Variants in GYG2 observed in about 807,000 individuals in gnomAD.
The protein encoded by GYG2 is glycogenin-2.
Under a neutral mutation model 29.4 loss-of-function variants are expected in GYG2, and 29 were observed. That is an observed-to-expected ratio of 0.99 (90% CI 0.74 to 1.35). GYG2 has a LOEUF of 1.35. Among genes scored for constraint, GYG2 ranks in the 40% most tolerant of loss-of-function variants. GYG2 has a pLI of 0.00. For synonymous variants in GYG2, 167 were observed against 172.3 expected (o/e 0.97, Z 0.24); for missense variants, 370 against 385.7 (o/e 0.96, Z 0.34).
chrX:2,863,102 T>C lies in GYG2; in HGVS notation c.1038+1380T>C, dbSNP rs2088210824. Among the ~76,000 whole-genome samples, 7 of 100,745 alleles carry C rather than the reference T, an allele frequency of 6.9e-5. No individual in the cohort carries two copies. In the Admixed American group the frequency reaches 7.5e-4, roughly 11 times the overall value. The allele number at this position is 100,745 out of a possible 115,157, so 87.5% of individuals were successfully genotyped here. ...AATCTTTTTTTTTTTTGAGGCGGAG[T>C]CTCTCTCTGTCACCCAGGCTGGAAT... is the stretch of plus-strand genomic sequence containing the variant. On this transcript the variant is annotated intron_variant, in intron 8 of 10. Coordinates refer to ENST00000398806, the MANE Select transcript of GYG2 (RefSeq NM_001079855.2).
At chrX:2,841,374 A>C (rs868742836) in intron 2 of GYG2, among the ~76,000 whole-genome samples, 1 of 104,471 alleles carries the variant, frequency 9.6e-6, no homozygotes. Flanking sequence ...TGATAGATAG[A>C]TGATGGATGG....
chrX:2,854,623 A>T (rs111834822), intron 4 of GYG2, among the ~76,000 whole-genome samples: 1,200 of 112,234 alleles, frequency 0.011, 23 homozygotes, highest in African/African-American at 0.036. Context: ...TTACACGCAC[A>T]AAATAGAATC....
intron 8 of GYG2, among the ~76,000 whole-genome samples, chrX:2,862,893 C>CA: frequency 9.4e-6 from 1 of 106,711 alleles, no homozygotes; most frequent in Non-Finnish European, 1.9e-5. Flanking sequence ...CTCATCTCTA[C>CA]AAAAAAAAGT....
chrX:2,850,099 A>G (rs1482326304), intron 3 of GYG2, among the ~76,000 whole-genome samples: 1 of 108,860 alleles, frequency 9.2e-6, no homozygotes, highest in Non-Finnish European at 1.9e-5. Context: ...CCTGGGTGAC[A>G]GAGCAAGACC....
Position 2,877,293 on chromosome X carries a change from C to T in GYG2, c.1237C>T (p.Gln413Ter), listed in dbSNP as rs376200058. Residue 413 changes from glutamine to a stop codon, truncating the protein, a stop_gained, in exon 10 of 11, where the codon CAG (glutamine) becomes TAG (stop). Transcript: ENST00000398806. LOFTEE classifies it high-confidence loss of function. ...PAEALRDPSL[Q>*]DALEVDLAVS... ...TGAGGCTCTCAGGGACCCCAGTCTGCAGGATGCACTGGAGGTGGTATCCAA... is the reference window on the plus strand; with the variant it reads ...TGAGGCTCTCAGGGACCCCAGTCTGTAGGATGCACTGGAGGTGGTATCCAA... 16 of 1,209,982 alleles carry T rather than the reference C, an allele frequency of 1.3e-5. No homozygotes were observed. Among genetic ancestry groups the T allele is most frequent in the Non-Finnish European group, 1.7e-5 (15 of 894,109 alleles).
chrX:2,864,590 A>G (rs1442022367), intron 8 of GYG2, among the ~76,000 whole-genome samples: 2 of 110,196 alleles, frequency 1.8e-5, no homozygotes, highest in Non-Finnish European at 3.8e-5. Context: ...TCCTCAGAAA[A>G]CGGTTTTCAA....
At chrX:2,838,805 C>A (rs576522082) in intron 2 of GYG2, among the ~76,000 whole-genome samples, 1 of 111,139 alleles carries the variant, frequency 9.0e-6, no homozygotes, top group African/African-American at 3.3e-5. Context: ...ATTTCTTATC[C>A]TTGGAGTGAT....
chrX:2,861,885 A>G (rs7065612), intron 8 of GYG2, among the ~76,000 whole-genome samples, 163 bp downstream of exon 8: 1 of 111,381 alleles, frequency 9.0e-6, no homozygotes, highest in South Asian at 3.8e-4. Context: ...TTTTTGCATT[A>G]CGGCACACCG....
intron 6 of GYG2, among the ~76,000 whole-genome samples, chrX:2,857,476 ATC>A (rs2088044493): frequency 1.8e-5 from 2 of 110,282 alleles, no homozygotes; most frequent in South Asian, 7.9e-4. Context: ...ATATCTGTAT[ATC>A]TATCTAGATC....
chrX:2,829,627 T>G, intron 1 of GYG2, among the ~76,000 whole-genome samples: 1 of 90,274 alleles, frequency 1.1e-5, no homozygotes, highest in Non-Finnish European at 2.2e-5. Context: ...TCGGAGGAGG[T>G]GCAGATACTG....
chrX:2,880,532 AT>A (rs1409663691), intron 10 of GYG2, among the ~76,000 whole-genome samples: 4 of 110,079 alleles, frequency 3.6e-5, no homozygotes, highest in Non-Finnish European at 7.5e-5. Context: ...ATACAATTAC[AT>A]TTTATAAAAT....
rs1471212901 is a variant in GYG2, at chrX:2,852,776, ATAATAT to A, written c.150-1196_150-1191del. The A allele has an allele frequency of 2.1e-4, 23 of 111,738 alleles. 1 individual carries two copies. The highest frequency in any genetic ancestry group is 6.8e-4 in the African/African-American group (21 of 30,839). The allele number at this position is 111,738 out of a possible 1,213,427, so 9.2% of individuals were successfully genotyped here. ...TCAAGTATGCATGCATTTCTTTTTCATAATATTAATATTTATTACTATATATGAATA... is the reference window on the plus strand; with the variant it reads ...TCAAGTATGCATGCATTTCTTTTTCATAATATTTATTACTATATATGAATA... On this transcript the variant is annotated intron_variant, in intron 3 of 10. Coordinates refer to ENST00000398806, the MANE Select transcript of GYG2 (RefSeq NM_001079855.2).
At chrX:2,870,790 C>T (rs2088449812) in intron 8 of GYG2, among the ~76,000 whole-genome samples, 1 of 111,925 alleles carries the variant, frequency 8.9e-6, no homozygotes, top group South Asian at 3.8e-4. Context: ...GTATTTCTCA[C>T]ATTTAATTAT....
chrX:2,830,107 G>T lies in GYG2; in HGVS notation c.-82G>T. ...CCCGGAGACGGCGCCTCTGCTCTGC[G>T]GGTTCGTGGCGAGGAAGTCCACCCA... is the stretch of plus-strand genomic sequence containing the variant. On this transcript the variant is annotated 5_prime_UTR_variant, in exon 2 of 11. Transcript: ENST00000398806. 9.9e-7 allele frequency: 1 copy of T among 1,005,568 alleles called. No homozygotes were observed. The highest frequency in any genetic ancestry group is 1.4e-6 in the Non-Finnish European group (1 of 711,433). 82.9% of individuals were successfully genotyped at this position (1,005,568 alleles called of 1,213,427 possible). A position where few individuals can be genotyped will look rare whatever the true frequency, so the allele number is the denominator to read the frequency against.
At position 2,840,746 on chromosome X, in the gene GYG2, G is replaced by C. The variant is rs770756574; in HGVS notation, c.8-2467G>C. Among the ~76,000 whole-genome samples the C allele has an allele frequency of 2.6e-4, 29 of 109,848 alleles. No homozygotes were observed. In the South Asian group the frequency reaches 7.3e-3, roughly 28 times the overall value. ...AGGTAGAGAGATGATGGAGATAGAT[G>C]GATGATAGATGATAGATATATAGAT... On this transcript the variant is annotated intron_variant, in intron 2 of 10. Coordinates refer to ENST00000398806, the MANE Select transcript of GYG2 (RefSeq NM_001079855.2).
At chrX:2,843,408 A>T in intron 3 of GYG2, 54 bp downstream of exon 3, 1 of 985,682 alleles carries the variant, frequency 1.0e-6, no homozygotes, top group Non-Finnish European at 1.4e-6. Flanking sequence ...AAGGAGGGTC[A>T]CCTCTCCCCT....
In GYG2 at chrX:2,834,032, G is replaced by A. The variant is rs538251804; in HGVS notation, c.7+3837G>A. Among the ~76,000 whole-genome samples the A allele has an allele frequency of 4.5e-5, 5 of 112,224 alleles. No homozygotes were observed. In the South Asian group the frequency reaches 1.5e-3, roughly 33 times the overall value. On this transcript the variant is annotated intron_variant, in intron 2 of 10. Transcript: ENST00000398806. Reference sequence around the variant, plus strand: ...GCTGCATATCACCTTTGTAATCCGGGCCCTCTGACCCCATCTCTTCCTGTG... The same window carrying A: ...GCTGCATATCACCTTTGTAATCCGGACCCTCTGACCCCATCTCTTCCTGTG...
intron 2 of GYG2, among the ~76,000 whole-genome samples, chrX:2,840,144 G>A (rs2087462623): frequency 8.9e-6 from 1 of 112,473 alleles, no homozygotes; most frequent in African/African-American, 3.2e-5. Flanking sequence ...TTAGAAATAT[G>A]TTCACACTTA....
Position 2,881,085 on chromosome X carries a change from A to T in GYG2, c.1285A>T (p.Ile429Phe). The T allele has an allele frequency of 8.3e-7, 1 of 1,209,059 alleles. No homozygotes were observed. Among genetic ancestry groups the T allele is most frequent in the African/African-American group, 1.7e-5 (1 of 57,598 alleles). The change falls in exon 11 of 11, where the codon ATC (isoleucine) becomes TTC (phenylalanine). Residue 429 changes from isoleucine (I) to phenylalanine (F), a missense_variant. Coordinates refer to ENST00000398806, the MANE Select transcript of GYG2 (RefSeq NM_001079855.2). ...DLAVSVSQIS[I>F]EEKVKELSPE... ...GGCCGTCTCTGTTTCCCAGATCTCC[A>T]TCGAAGAGAAGGTGAAGGAATTGAG...
Sources: gnomAD v4.1 joint callset for allele counts (sites outside exome capture counted in the v4.1 genomes callset) on GRCh38, gnomAD v4.1.1 for gene constraint, MANE v1.5 for transcripts, NCBI Gene and HGNC (gene_info 2026-07-23, HGNC 2026-07-21) for gene names.